Variants in DDC observed in about 807,000 individuals in gnomAD.
DDC encodes the protein dopa decarboxylase.
Under a neutral mutation model 60.0 loss-of-function variants are expected in DDC, and 43 were observed. That is an observed-to-expected ratio of 0.72 (90% confidence interval 0.56 to 0.92). DDC has a LOEUF of 0.92. Ranked by LOEUF, DDC falls within the 40% of genes least tolerant of loss-of-function variation. DDC has a pLI of 0.00. For synonymous variants in DDC, 232 were observed against 234.6 expected (o/e 0.99, Z 0.10); for missense variants, 573 against 620.2 (o/e 0.92, Z 0.81).
chr7:50,486,213 A>T (rs1231512765), intron 9 of DDC, among the ~76,000 whole-genome samples: 1 of 152,208 alleles, frequency 6.6e-6, no homozygotes, highest in African/African-American at 2.4e-5. Context: ...AAGTGATCCC[A>T]GTGGGTTCTA....
chr7:50,483,130 G>A (rs1362492629), intron 9 of DDC, among the ~76,000 whole-genome samples: 1 of 151,936 alleles, frequency 6.6e-6, no homozygotes, highest in Non-Finnish European at 1.5e-5. Flanking sequence ...TTAAGTAAAG[G>A]TTCACTATGT....
chr7:50,556,274 AG>A (rs779882008), intron 1 of DDC, among the ~76,000 whole-genome samples: 1 of 152,194 alleles, frequency 6.6e-6, no homozygotes, highest in South Asian at 2.1e-4. Flanking sequence ...TCCAAGATTA[AG>A]GCCCCGGCAG....
Position 50,533,160 on chromosome 7 carries a change from T to C in DDC, c.436-3818A>G, listed in dbSNP as rs143390501. 1.9e-3 allele frequency among the ~76,000 whole-genome samples: 293 copies of C among 152,340 alleles called. 2 individuals are homozygous for C. The highest frequency in any genetic ancestry group is 6.7e-3 in the African/African-American group (278 of 41,574). On this transcript the variant is annotated intron_variant, in intron 4 of 14. Transcript: ENST00000444124. ...GAAAGCACCATGCAGAAAATCCATA[T>C]GCGTAGTATCATTTCAATTTTGTCT...
At chr7:50,497,867 A>G (rs2043159906) in intron 8 of DDC, among the ~76,000 whole-genome samples, 1 of 152,230 alleles carries the variant, frequency 6.6e-6, no homozygotes, top group Non-Finnish European at 1.5e-5. Context: ...GATTAGTAGT[A>G]AGAGGATTAT....
chr7:50,537,290 C>G (rs986927407), intron 4 of DDC, among the ~76,000 whole-genome samples: 1 of 152,176 alleles, frequency 6.6e-6, no homozygotes, highest in African/African-American at 2.4e-5. Flanking sequence ...GCCTCTGAAG[C>G]CTGGTCACAT....
chr7:50,537,125 G>C (rs2044442886), intron 4 of DDC, among the ~76,000 whole-genome samples: 1 of 149,668 alleles, frequency 6.7e-6, no homozygotes, highest in South Asian at 2.2e-4. Context: ...ATTCCATCAT[G>C]ATTGTCTTTT....
At chr7:50,493,996 G>T (rs1343643272) in intron 9 of DDC, among the ~76,000 whole-genome samples, 1 of 152,106 alleles carries the variant, frequency 6.6e-6, no homozygotes, top group South Asian at 2.1e-4. Context: ...TTGCAGTTTT[G>T]CATACTGTAC....
At chr7:50,486,537 G>A (rs1488475586) in intron 9 of DDC, among the ~76,000 whole-genome samples, 2 of 152,202 alleles carry the variant, frequency 1.3e-5, no homozygotes, top group South Asian at 2.1e-4. Context: ...TAAATCCTTA[G>A]ATATGAGGCT....
At chr7:50,538,071 A>G in intron 3 of DDC, 92 bp from the exon 4 acceptor site, 1 of 1,491,284 alleles carries the variant, frequency 6.7e-7, no homozygotes, top group Non-Finnish European at 9.3e-7. Context: ...CTTCCACTAA[A>G]GCCCAGATTA....
intron 9 of DDC, among the ~76,000 whole-genome samples, chr7:50,490,980 C>T (rs1286796014): frequency 6.6e-6 from 1 of 152,174 alleles, no homozygotes; most frequent in Non-Finnish European, 1.5e-5. Context: ...TAATTAGAGT[C>T]TAGCCTTGCC....
chr7:50,549,204 A>G (rs1170461346), intron 1 of DDC, among the ~76,000 whole-genome samples: 1 of 152,238 alleles, frequency 6.6e-6, no homozygotes, highest in Non-Finnish European at 1.5e-5. Context: ...TCCATTCTAC[A>G]GTCCATTGAT....
Position 50,499,152 on chromosome 7 carries a change from A to G in DDC, c.872T>C (p.Val291Ala). 1 of 1,611,566 alleles carries G rather than the reference A, an allele frequency of 6.2e-7. No individual in the cohort carries two copies. The highest frequency in any genetic ancestry group is 8.5e-7 in the Non-Finnish European group (1 of 1,177,698). ...GAGAGCGAAGGGTGCACCTACCTCC[A>G]CTCCATTCAGAAGGTGCCGGAACTC... is the stretch of plus-strand genomic sequence containing the variant. The part of the protein sequence containing the change: ...CPEFRHLLNG[V>A]EFADSFNFNP... The change falls in exon 8 of 15, where the codon GTG (valine) becomes GCG (alanine). Residue 291 changes from valine to alanine, a missense_variant. By Grantham distance (64) the Val-to-Ala change is moderately conservative. Transcript: ENST00000444124.
chr7:50,517,374 T>C (rs1194995397), intron 6 of DDC, among the ~76,000 whole-genome samples: 1 of 152,160 alleles, frequency 6.6e-6, no homozygotes, highest in Non-Finnish European at 1.5e-5. Context: ...CAAAACCCAG[T>C]ATTCCTTTAT....
chr7:50,479,936 C>T lies in DDC; in HGVS notation c.945-73G>A, dbSNP rs116595907. The stretch of plus-strand genomic sequence containing the variant: ...CTGGACCACCTCTCCCCTCTCCCCA[C>T]CTGCCTCAGCTCAGGCACCTGCTCC... On this transcript the variant is annotated intron_variant, in intron 9 of 14. Coordinates refer to ENST00000444124, the MANE Select transcript of DDC (RefSeq NM_001082971.2). 611 of 1,216,826 alleles carry T rather than the reference C, an allele frequency of 5.0e-4. 3 individuals are homozygous for T. In the African/African-American group the frequency reaches 7.8e-3, roughly 16 times the overall value. 75.4% of individuals were successfully genotyped at this position (1,216,826 alleles called of 1,614,324 possible). A position where few individuals can be genotyped will look rare whatever the true frequency, so the allele number is the denominator to read the frequency against.
chr7:50,489,258 C>T (rs138360140), intron 9 of DDC, among the ~76,000 whole-genome samples: 119 of 152,206 alleles, frequency 7.8e-4, no homozygotes, highest in African/African-American at 1.3e-3. Flanking sequence ...CCTCCCACCT[C>T]GGCCTCCCAA....
At chr7:50,510,736 C>T (rs2043540090) in intron 6 of DDC, among the ~76,000 whole-genome samples, 1 of 150,450 alleles carries the variant, frequency 6.6e-6, no homozygotes, top group African/African-American at 2.4e-5. Flanking sequence ...AATCACAGCA[C>T]TTTGGGAGGC....
intron 9 of DDC, among the ~76,000 whole-genome samples, chr7:50,480,774 G>A (rs1440518002): frequency 6.6e-6 from 1 of 152,190 alleles, no homozygotes; most frequent in African/African-American, 2.4e-5. Flanking sequence ...GCTGGCATCA[G>A]TAAGTGTGTG....
rs1385426993 is a variant in DDC, at chr7:50,528,191, A to G, written c.660T>C (p.Ser220=). ...PSDGNFAMRA[S]ALQEALERDK... ...CTCTCTCCAGGGCTTCCTGCAGGGC[A>G]GACGCACGCATGGCGAAGTTGCCAT... The change falls in exon 6 of 15, where the codon TCT becomes TCC. Residue 220 remains serine (S), a synonymous_variant. Coordinates refer to ENST00000444124, the MANE Select transcript of DDC (RefSeq NM_001082971.2). 1 of 1,614,026 alleles carries G rather than the reference A, an allele frequency of 6.2e-7. No homozygotes were observed.
At chr7:50,461,651 G>A (rs1026156590) in intron 14 of DDC, among the ~76,000 whole-genome samples, 4 of 152,210 alleles carry the variant, frequency 2.6e-5, no homozygotes, top group South Asian at 2.1e-4. Context: ...GCAGAAATGC[G>A]AGTCGGGAGC....
Sources: allele counts gnomAD v4.1 joint callset (sites outside exome capture counted in the v4.1 genomes callset), GRCh38; gene constraint gnomAD v4.1.1; transcripts MANE v1.5; gene names NCBI Gene and HGNC (gene_info 2026-07-23, HGNC 2026-07-21).